The following GRID2 variants were observed in gnomAD, a reference collection of about 807,000 sequenced individuals.
GRID2 encodes the protein glutamate receptor ionotropic, delta-2.
GRID2 carries 33 observed loss-of-function variants against 114.8 expected under a neutral mutation model. That is an observed-to-expected ratio of 0.29 (90% CI 0.22 to 0.38). The LOEUF (loss-of-function observed/expected upper bound fraction) is 0.38. GRID2 is among the 10% of genes least tolerant of loss of function. The probability of loss-of-function intolerance (pLI) is 1.00; values close to 1 mark genes in which losing one functional copy is unlikely to be tolerated. For missense variants in GRID2, 1,184 were observed against 1,257.7 expected, an observed-to-expected ratio of 0.94 and a Z score of 0.89; for synonymous variants, 505 against 449.9, an observed-to-expected ratio of 1.12 and a Z score of -1.55.
chr4:92,840,066 A>G (rs1426521739), intron 2 of GRID2, among the ~76,000 whole-genome samples: 2 of 152,086 alleles, frequency 1.3e-5, no homozygotes, highest in Non-Finnish European at 2.9e-5. Context: ...CTTTATCATT[A>G]TATAGTTACC....
intron 13 of GRID2, among the ~76,000 whole-genome samples, chr4:93,575,235 C>G (rs549335535): frequency 1.3e-5 from 2 of 152,242 alleles, no homozygotes; most frequent in African/African-American, 4.8e-5. Context: ...ACCAATGTAA[C>G]AGTCTACACA....
chr4:92,502,550 C>T (rs762736200), intron 1 of GRID2, among the ~76,000 whole-genome samples: 3 of 151,536 alleles, frequency 2.0e-5, no homozygotes, highest in South Asian at 2.1e-4. Context: ...TCTGGAACAT[C>T]GAGGGTATAG....
chr4:92,390,036 T>C (rs1290306139), intron 1 of GRID2, among the ~76,000 whole-genome samples: 2 of 152,120 alleles, frequency 1.3e-5, no homozygotes, highest in African/African-American at 4.8e-5. Flanking sequence ...ACAGAGCCAA[T>C]TTTAAGTCCT....
intron 2 of GRID2, among the ~76,000 whole-genome samples, chr4:93,026,797 C>G (rs1723922464): frequency 1.3e-5 from 2 of 151,870 alleles, no homozygotes; most frequent in African/African-American, 4.8e-5. Flanking sequence ...TCACTAAGAA[C>G]AAATGAAATG....
At chr4:92,515,442 T>A (rs771170290) in intron 1 of GRID2, among the ~76,000 whole-genome samples, 4 of 151,968 alleles carry the variant, frequency 2.6e-5, no homozygotes, top group Non-Finnish European at 5.9e-5. Context: ...ATGTTTTTCC[T>A]CTGGGATCTA....
chr4:93,127,064 C>T (rs1418811327), intron 4 of GRID2, among the ~76,000 whole-genome samples: 1 of 152,102 alleles, frequency 6.6e-6, no homozygotes, highest in African/African-American at 2.4e-5. Flanking sequence ...TCAAAAAACC[C>T]AATGGCATAG....
chr4:93,004,863 A>G lies in GRID2; in HGVS notation c.245-80132A>G, dbSNP rs182528502. Among the ~76,000 whole-genome samples, 7 of 152,236 alleles carry G rather than the reference A, an allele frequency of 4.6e-5. No individual in the cohort carries two copies. In the East Asian group the frequency reaches 1.4e-3, roughly 29 times the overall value. ...TATTAGAATTTGGCCCAAGCAATTC[A>G]TTAGTCAATCATGAAAGTATTTTTT... On this transcript the variant is annotated intron_variant, in intron 2 of 15. Transcript: ENST00000282020.
chr4:92,661,208 A>C (rs544658746), intron 2 of GRID2, among the ~76,000 whole-genome samples: 60 of 151,136 alleles, frequency 4.0e-4, no homozygotes, highest in African/African-American at 1.3e-3. Flanking sequence ...GAACATTTAA[A>C]AACTAATAAA....
At chr4:92,371,803 A>C (rs1729129450) in intron 1 of GRID2, among the ~76,000 whole-genome samples, 1 of 152,212 alleles carries the variant, frequency 6.6e-6, no homozygotes. Flanking sequence ...TAGCTGTCAT[A>C]GATAATGATT....
intron 1 of GRID2, among the ~76,000 whole-genome samples, chr4:92,325,659 T>C (rs1481069193): frequency 6.6e-6 from 1 of 151,840 alleles, no homozygotes; most frequent in African/African-American, 2.4e-5. Context: ...AAATTTTTGT[T>C]ATTTTTTTTA....
At chr4:92,541,852 C>A (rs1204925714) in intron 1 of GRID2, among the ~76,000 whole-genome samples, 1 of 151,840 alleles carries the variant, frequency 6.6e-6, no homozygotes, top group African/African-American at 2.4e-5. Flanking sequence ...GGAATAACTA[C>A]CACCACCACA....
At chr4:93,039,077 A>C (rs1180320738) in intron 2 of GRID2, among the ~76,000 whole-genome samples, 1 of 152,224 alleles carries the variant, frequency 6.6e-6, no homozygotes, top group African/African-American at 2.4e-5. Context: ...CCAAATGTCC[A>C]TCAATGATAG....
intron 1 of GRID2, among the ~76,000 whole-genome samples, chr4:92,536,625 C>T (rs1276472146): frequency 6.6e-6 from 1 of 152,012 alleles, no homozygotes; most frequent in African/African-American, 2.4e-5. Flanking sequence ...TTCTTCAAAC[C>T]TGAATACATA....
intron 2 of GRID2, among the ~76,000 whole-genome samples, chr4:92,853,327 GT>G (rs1743959080): frequency 6.6e-6 from 1 of 152,006 alleles, no homozygotes; most frequent in Admixed American, 6.6e-5. Flanking sequence ...CACAATAAAT[GT>G]TTGATAAATT....
At chr4:92,500,397 C>T (rs1211713453) in intron 1 of GRID2, among the ~76,000 whole-genome samples, 2 of 151,762 alleles carry the variant, frequency 1.3e-5, no homozygotes, top group South Asian at 2.1e-4. Context: ...TAAAAAAAAA[C>T]ATATTTTTAT....
chr4:92,712,109 G>A (rs1042098423), intron 2 of GRID2, among the ~76,000 whole-genome samples: 3 of 149,830 alleles, frequency 2.0e-5, no homozygotes, highest in African/African-American at 7.4e-5. Context: ...TGATCAACAC[G>A]AAAAATTAAT....
At chr4:93,274,161 A>G (rs1249814339) in intron 8 of GRID2, among the ~76,000 whole-genome samples, 6 of 152,124 alleles carry the variant, frequency 3.9e-5, no homozygotes, top group Non-Finnish European at 1.5e-5. Context: ...TATTTTTATC[A>G]TAATATTAAT....
chr4:92,342,408 TTGAAAGGGTTATTGAAGG>T, intron 1 of GRID2, among the ~76,000 whole-genome samples: 1 of 152,264 alleles, frequency 6.6e-6, no homozygotes, highest in South Asian at 2.1e-4. Flanking sequence ...TCACTCTAGC[TTGAAAGGGTTATTGAAGG>T]AAAGGAGACT....
At chr4:93,337,140 G>A (rs1009285645) in intron 8 of GRID2, among the ~76,000 whole-genome samples, 1 of 152,076 alleles carries the variant, frequency 6.6e-6, no homozygotes, top group African/African-American at 2.4e-5. Context: ...TAGGAAAGAG[G>A]ATTTACTTAT....
Sources: gnomAD v4.1 joint callset for allele counts (sites outside exome capture counted in the v4.1 genomes callset) on GRCh38, gnomAD v4.1.1 for gene constraint, MANE v1.5 for transcripts, NCBI Gene and HGNC (gene_info 2026-07-23, HGNC 2026-07-21) for gene names.